URI1: variants seen among roughly 807,000 people sequenced by gnomAD.
URI1 encodes the protein URI1 prefoldin like chaperone.
URI1 carries 39 observed loss-of-function variants against 60.2 expected under a neutral mutation model. That is an observed-to-expected ratio of 0.65 (90% confidence interval 0.50 to 0.85). The LOEUF is 0.85. Ranked by LOEUF, URI1 falls within the 40% of genes least tolerant of loss-of-function variation. The pLI, the probability that URI1 is intolerant of heterozygous loss-of-function variation, is 0.00. For missense variants in URI1, 691 were observed against 665.9 expected (o/e 1.04, Z -0.42); for synonymous variants, 251 against 236.8 (o/e 1.06, Z -0.55).
chr19:29,953,517 T>C (rs967483428), intron 1 of URI1, among the ~76,000 whole-genome samples: 1 of 152,230 alleles, frequency 6.6e-6, no homozygotes, highest in Non-Finnish European at 1.5e-5. Flanking sequence ...ACTGTGTTTA[T>C]TGAAAGCGAA....
At chr19:29,964,727 G>T (rs951910647) in intron 1 of URI1, among the ~76,000 whole-genome samples, 2 of 151,946 alleles carry the variant, frequency 1.3e-5, no homozygotes, top group African/African-American at 4.8e-5. Flanking sequence ...CTCCCAAAGT[G>T]CTGGGATTAC....
chr19:29,982,252 T>C (rs1335740453), intron 2 of URI1, among the ~76,000 whole-genome samples: 1 of 152,226 alleles, frequency 6.6e-6, no homozygotes, highest in African/African-American at 2.4e-5. Context: ...CTTAAACTGC[T>C]CTCCAGTATG....
intron 4 of URI1, among the ~76,000 whole-genome samples, chr19:29,989,586 C>A (rs889217698): frequency 6.6e-6 from 1 of 151,142 alleles, no homozygotes; most frequent in Admixed American, 6.6e-5. Context: ...CCACGCCCGG[C>A]TAATTTTTGT....
At chr19:30,003,843 T>G (rs983464396) in intron 4 of URI1, among the ~76,000 whole-genome samples, 1 of 152,128 alleles carries the variant, frequency 6.6e-6, no homozygotes. Context: ...GTTATTGATT[T>G]GACCTCCTAC....
At chr19:30,011,003 A>G in intron 8 of URI1, 91 bp from the exon 9 acceptor site, 3 of 1,400,068 alleles carry the variant, frequency 2.1e-6, no homozygotes, top group East Asian at 2.5e-5. Flanking sequence ...CTCTCTTACT[A>G]TTATTTTTTT....
rs1355413187 is a variant in URI1, at chr19:30,007,615, A to G, written c.663A>G (p.Glu221=). The G allele has an allele frequency of 6.2e-7, 1 of 1,608,704 alleles. No individual in the cohort carries two copies. The highest frequency in any genetic ancestry group is 1.7e-5 in the Admixed American group (1 of 59,094). The change falls in exon 7 of 11, where the codon GAA becomes GAG. Residue 221 remains glutamate, a synonymous_variant. Transcript: ENST00000392271. ...GACTTGAAGAACTAGAGAGACAGGA[A>G]GAATTGCTGGGTGAACTTGATAGGT... is the stretch of plus-strand genomic sequence containing the variant. ...WARLEELERQ[E]ELLGELDSKP...
At chr19:29,939,008 A>C (rs1213780221), upstream of URI1, among the ~76,000 whole-genome samples, 61 of 102,446 alleles carry the variant, frequency 6.0e-4, no homozygotes, top group African/African-American at 9.8e-4. Flanking sequence ...GAGGAGTTTC[A>C]CTCTTGTTGC....
At chr19:29,966,546 G>A (rs1016061557) in intron 1 of URI1, among the ~76,000 whole-genome samples, 3 of 152,128 alleles carry the variant, frequency 2.0e-5, no homozygotes, top group South Asian at 2.1e-4. Flanking sequence ...TTGCAAAGGG[G>A]TTTACTTAAA....
At chr19:29,994,085 A>T (rs1157305165) in intron 4 of URI1, among the ~76,000 whole-genome samples, 2 of 149,810 alleles carry the variant, frequency 1.3e-5, no homozygotes. Flanking sequence ...GTGTGTGTGT[A>T]TCATTTGTAC....
rs114988217 is a variant in URI1, at chr19:29,952,915, T to G, written c.117+10251T>G. On this transcript the variant is annotated intron_variant, in intron 1 of 10. Transcript: ENST00000392271. ...AGTCATTTATGACTATACATTTTGT[T>G]GCTTGTGTTTTTTGGTGTCATATCT... 3.4e-3 allele frequency among the ~76,000 whole-genome samples: 513 copies of G among 152,316 alleles called. 5 individuals carry two copies. The highest frequency in any genetic ancestry group is 0.012 in the African/African-American group (498 of 41,564).
At position 30,007,267 on chromosome 19, in the gene URI1, C is replaced by T. The variant is rs566893623; in HGVS notation, c.518-203C>T. Among the ~76,000 whole-genome samples, 20 of 151,988 alleles carry T rather than the reference C, an allele frequency of 1.3e-4. No homozygotes were observed. In the South Asian group the frequency reaches 3.5e-3, roughly 27 times the overall value. ...ACACTTCTGAAGTGTTCCCCAAGGA[C>T]GCCAGTGCTGTTGATCCATGGACCA... On this transcript the variant is annotated intron_variant, in intron 6 of 10. Transcript: ENST00000392271.
At chr19:29,988,205 A>C (rs1161024840) in intron 4 of URI1, among the ~76,000 whole-genome samples, 1 of 151,846 alleles carries the variant, frequency 6.6e-6, no homozygotes, top group Non-Finnish European at 1.5e-5. Flanking sequence ...TCTTTTATTC[A>C]CATGGTTTTA....
intron 1 of URI1, among the ~76,000 whole-genome samples, chr19:29,962,835 A>G (rs1568419306): frequency 1.3e-5 from 2 of 152,076 alleles, no homozygotes; most frequent in Admixed American, 6.6e-5. Flanking sequence ...TCTGTTGAAA[A>G]TGTTATTTTT....
intron 10 of URI1, 112 bp from the exon 11 acceptor site, chr19:30,014,775 A>G (rs1352584911): frequency 9.0e-7 from 1 of 1,115,126 alleles, no homozygotes; most frequent in Non-Finnish European, 1.3e-6. Flanking sequence ...TGTCTAGCCA[A>G]AAATCTCGTG....
At chr19:29,994,539 G>C (rs2055787398) in intron 4 of URI1, among the ~76,000 whole-genome samples, 1 of 151,744 alleles carries the variant, frequency 6.6e-6, no homozygotes, top group Admixed American at 6.6e-5. Flanking sequence ...TTTTGTGTCT[G>C]GATTATTTCA....
chr19:29,965,056 G>GT (rs2055375753), intron 1 of URI1, among the ~76,000 whole-genome samples: 1 of 152,090 alleles, frequency 6.6e-6, no homozygotes, highest in Non-Finnish European at 1.5e-5. Context: ...AAGGGTAGGA[G>GT]TTTTTTGGGT....
intron 2 of URI1, among the ~76,000 whole-genome samples, chr19:29,977,134 CTCTT>C (rs780447406): frequency 2.0e-5 from 3 of 151,336 alleles, no homozygotes; most frequent in Admixed American, 6.6e-5. Flanking sequence ...TTTTCTCTCT[CTCTT>C]TTTTTTTTTT....
chr19:29,942,874 G>A (rs1417939987), intron 1 of URI1, among the ~76,000 whole-genome samples: 3 of 152,194 alleles, frequency 2.0e-5, no homozygotes, highest in African/African-American at 4.8e-5. Context: ...CGCCTGCCCA[G>A]GAAAGGGGGC....
intron 1 of URI1, among the ~76,000 whole-genome samples, chr19:29,968,881 A>G (rs1483114889): frequency 1.3e-5 from 2 of 151,896 alleles, no homozygotes; most frequent in African/African-American, 2.4e-5. Flanking sequence ...AAAATTTACT[A>G]ATTTTTTCTT....
Sources: allele counts gnomAD v4.1 joint callset (sites outside exome capture counted in the v4.1 genomes callset), GRCh38; gene constraint gnomAD v4.1.1; transcripts MANE v1.5; gene names NCBI Gene and HGNC (gene_info 2026-07-23, HGNC 2026-07-21).